STN1: variants seen among roughly 807,000 people sequenced by gnomAD.
STN1 encodes the protein CST complex subunit STN1.
STN1 carries 29 observed loss-of-function variants against 45.5 expected under a neutral mutation model. The ratio of observed to expected loss-of-function variants is 0.64; its 90% CI spans 0.47 to 0.87. The LOEUF is 0.87. STN1 is among the 40% of genes least tolerant of loss of function. The pLI is 0.00. For synonymous variants in STN1, 148 were observed against 159.0 expected (o/e 0.93, Z 0.52); for missense variants, 376 against 441.4 (o/e 0.85, Z 1.33).
At position 103,877,917 on chromosome 10, in the gene STN1, T is replaced by C. The variant is rs1843041357; in HGVS notation, c.*4767A>G. On this transcript the variant is annotated 3_prime_UTR_variant, in exon 10 of 10. Coordinates refer to ENST00000224950, the MANE Select transcript of STN1 (RefSeq NM_024928.5). ...CAATGAGACGCTTCTTTGGGGCAAC[T>C]GCTGTAGAGGCCACTAATGAGAAAG... 1 of 152,270 alleles carries C rather than the reference T, an allele frequency of 6.6e-6. No individual in the cohort carries two copies. The highest frequency in any genetic ancestry group is 6.5e-5 in the Admixed American group (1 of 15,290). 9.4% of individuals were successfully genotyped at this position (152,270 alleles called of 1,614,324 possible).
chr10:103,904,162 G>A (rs1474688302), intron 4 of STN1, among the ~76,000 whole-genome samples: 2 of 151,976 alleles, frequency 1.3e-5, no homozygotes, highest in Non-Finnish European at 2.9e-5. Context: ...ATTAGAGCAG[G>A]CAGTGTTTAC....
chr10:103,889,253 A>G, intron 8 of STN1, 109 bp from the exon 9 acceptor site: 1 of 715,040 alleles, frequency 1.4e-6, no homozygotes, highest in Non-Finnish European at 2.5e-6. Flanking sequence ...ATTACATAAT[A>G]ATCATCTTCC....
intron 7 of STN1, among the ~76,000 whole-genome samples, chr10:103,893,134 A>G (rs1843150528): frequency 6.6e-6 from 1 of 152,140 alleles, no homozygotes; most frequent in Non-Finnish European, 1.5e-5. Flanking sequence ...TCCTTCCTAA[A>G]ACAAAGAAAA....
At chr10:103,884,089 C>CAAAAA (rs35521096) in intron 9 of STN1, among the ~76,000 whole-genome samples, 4 of 49,798 alleles carry the variant, frequency 8.0e-5, no homozygotes, top group African/African-American at 1.6e-4. Flanking sequence ...GACTCCATCT[C>CAAAAA]AAAAAAAAAA....
rs979298324 is a variant in STN1 at position 103,881,399 on chromosome 10, A to G, written c.*1285T>C. Among the ~76,000 whole-genome samples, 1 of 152,106 alleles carries G rather than the reference A, an allele frequency of 6.6e-6. No individual in the cohort carries two copies. Among genetic ancestry groups the G allele is most frequent in the Non-Finnish European group, 1.5e-5 (1 of 68,016 alleles). ...CTGCCCAGGACATCATTCCAGGCAG[A>G]CTCTATGCTAGGGACCCTTCTGTAC... On this transcript the variant is annotated 3_prime_UTR_variant, in exon 10 of 10. Transcript: ENST00000224950.
chr10:103,914,089 C>G (rs796662092), intron 2 of STN1, among the ~76,000 whole-genome samples: 38 of 152,064 alleles, frequency 2.5e-4, no homozygotes, highest in African/African-American at 8.9e-4. Flanking sequence ...TTAATCGATG[C>G]TATGTTATTT....
Position 103,889,064 on chromosome 10 carries a change from C to G in STN1, c.949+8G>C, listed in dbSNP as rs766620909. The G allele has an allele frequency of 1.2e-6, 2 of 1,601,180 alleles. No homozygotes were observed. The highest frequency in any genetic ancestry group is 1.7e-6 in the Non-Finnish European group (2 of 1,168,224). ...ACCAGGGCATCACTTGTACATTATA[C>G]CACTTACGATTTGGTTTCTGGCAGT... is the stretch of plus-strand genomic sequence containing the variant. On this transcript the variant is annotated splice_region_variant and intron_variant, in intron 9 of 9. Transcript: ENST00000224950.
chr10:103,908,839 C>T (rs961088941), intron 3 of STN1, among the ~76,000 whole-genome samples: 1 of 151,854 alleles, frequency 6.6e-6, no homozygotes, highest in African/African-American at 2.4e-5. Flanking sequence ...CTCAAACAGT[C>T]TCATTTATTT....
chr10:103,914,449 A>C (rs1843314992), intron 2 of STN1, among the ~76,000 whole-genome samples: 1 of 142,002 alleles, frequency 7.0e-6, no homozygotes, highest in African/African-American at 2.7e-5. Context: ...ATCACAGCTT[A>C]CTGCAGCCTT....
intron 3 of STN1, among the ~76,000 whole-genome samples, chr10:103,908,351 T>C (rs904473766): frequency 6.6e-6 from 1 of 152,160 alleles, no homozygotes; most frequent in African/African-American, 2.4e-5. Context: ...GGAATGCCCC[T>C]GAATGGAGGC....
intron 9 of STN1, among the ~76,000 whole-genome samples, chr10:103,884,271 C>T (rs1033074642): frequency 6.6e-5 from 10 of 151,932 alleles, no homozygotes; most frequent in Non-Finnish European, 1.3e-4. Flanking sequence ...AGTAGTCAAA[C>T]TGGGGGTTGT....
At chr10:103,909,480 A>ATATATG (rs1564635120) in intron 3 of STN1, among the ~76,000 whole-genome samples, 3 of 109,552 alleles carry the variant, frequency 2.7e-5, no homozygotes, top group African/African-American at 1.0e-4. Context: ...GTATATATGT[A>ATATATG]TATATATGTG....
In STN1 at chr10:103,902,965, A is replaced by G. The variant is rs1843218830; in HGVS notation, c.295+2126T>C. Among the ~76,000 whole-genome samples the G allele has an allele frequency of 2.0e-5, 3 of 152,212 alleles. No individual in the cohort carries two copies. In the South Asian group the frequency reaches 6.2e-4, roughly 32 times the overall value. On this transcript the variant is annotated intron_variant, in intron 4 of 9. Transcript: ENST00000224950. Reference sequence around the variant, plus strand: ...ATATTTTAAAAATCTGACTCTCAGTATTAATACCCATTTTGTTGATCTAAA... The same window carrying G: ...ATATTTTAAAAATCTGACTCTCAGTGTTAATACCCATTTTGTTGATCTAAA...
intron 9 of STN1, among the ~76,000 whole-genome samples, chr10:103,885,557 C>T (rs1843098023): frequency 1.3e-5 from 2 of 152,114 alleles, no homozygotes; most frequent in Non-Finnish European, 2.9e-5. Flanking sequence ...TGAACTTAGA[C>T]TCCTCTCTAT....
At chr10:103,899,830 T>C in intron 5 of STN1, 1 of 459,728 alleles carries the variant, frequency 2.2e-6, no homozygotes. Flanking sequence ...TTGCCAACCA[T>C]ATATAAAGTA....
chr10:103,916,259 G>A (rs1223737805), intron 2 of STN1, among the ~76,000 whole-genome samples: 1 of 152,178 alleles, frequency 6.6e-6, no homozygotes, highest in Non-Finnish European at 1.5e-5. Context: ...TTAAGCCCCT[G>A]TCATGTCCTT....
chr10:103,886,386 T>C (rs1843103275), intron 9 of STN1, among the ~76,000 whole-genome samples: 1 of 144,064 alleles, frequency 6.9e-6, no homozygotes, highest in Non-Finnish European at 1.5e-5. Context: ...GTGTTTATTG[T>C]ACCAGTCTTT....
chr10:103,888,704 G>C (rs1014494469), intron 9 of STN1, among the ~76,000 whole-genome samples: 1 of 152,162 alleles, frequency 6.6e-6, no homozygotes, highest in Non-Finnish European at 1.5e-5. Flanking sequence ...ACAAATCAGA[G>C]AGAACATGAG....
chr10:103,897,524 C>G, intron 7 of STN1, 24 bp downstream of exon 7: 2 of 1,610,496 alleles, frequency 1.2e-6, no homozygotes, highest in Admixed American at 1.7e-5. Flanking sequence ...AACCAGAATT[C>G]TCACATGGGC....
Sources: allele counts gnomAD v4.1 joint callset (sites outside exome capture counted in the v4.1 genomes callset), GRCh38; gene constraint gnomAD v4.1.1; transcripts MANE v1.5; gene names NCBI Gene and HGNC (gene_info 2026-07-23, HGNC 2026-07-21).